SGCZ: variants seen among roughly 807,000 people sequenced by gnomAD.
The protein encoded by SGCZ is zeta-sarcoglycan.
SGCZ carries 40 observed loss-of-function variants against 41.3 expected under a neutral mutation model. The observed-to-expected ratio is 0.97, with a 90% CI of 0.75 to 1.26. The LOEUF is 1.26. Ranked by LOEUF, SGCZ falls within the 50% of genes most tolerant of loss-of-function variation. The pLI, the probability that SGCZ is intolerant of heterozygous loss-of-function variation, is 0.00. For synonymous variants in SGCZ, 206 were observed against 137.5 expected, an observed-to-expected ratio of 1.50 and a Z score of -3.49; for missense variants, 552 against 369.8, an observed-to-expected ratio of 1.49 and a Z score of -4.04.
intron 1 of SGCZ, among the ~76,000 whole-genome samples, chr8:14,867,193 T>C (rs775802563): frequency 6.6e-6 from 1 of 152,180 alleles, no homozygotes; most frequent in Non-Finnish European, 1.5e-5. Flanking sequence ...AAAGCTTGTT[T>C]ATGAATTATA....
chr8:14,644,006 C>A (rs1450970761), intron 1 of SGCZ, among the ~76,000 whole-genome samples: 5 of 143,434 alleles, frequency 3.5e-5, no homozygotes, highest in Admixed American at 6.8e-5. Context: ...ATATTTTGTA[C>A]CTGGTAGTAT....
At chr8:14,090,878 C>G (rs530442250) in intron 7 of SGCZ, among the ~76,000 whole-genome samples, 1 of 151,996 alleles carries the variant, frequency 6.6e-6, no homozygotes, top group African/African-American at 2.4e-5. Context: ...TGAAAAGCAA[C>G]ATCATACAAT....
intron 1 of SGCZ, among the ~76,000 whole-genome samples, chr8:14,801,072 T>C (rs922364702): frequency 3.9e-5 from 6 of 152,236 alleles, no homozygotes; most frequent in African/African-American, 1.4e-4. Flanking sequence ...ACTGATAAGT[T>C]AGAAAGTCTT....
chr8:14,931,335 T>G (rs1189584752), intron 1 of SGCZ, among the ~76,000 whole-genome samples: 1 of 152,100 alleles, frequency 6.6e-6, no homozygotes, highest in East Asian at 1.9e-4. Flanking sequence ...TCAAATAGTT[T>G]GATCTATTCT....
intron 1 of SGCZ, among the ~76,000 whole-genome samples, chr8:14,890,045 C>T (rs960452232): frequency 6.6e-6 from 1 of 151,888 alleles, no homozygotes; most frequent in African/African-American, 2.4e-5. Context: ...GGTGAAACTC[C>T]GTCTCTACTA....
intron 1 of SGCZ, among the ~76,000 whole-genome samples, chr8:15,083,250 C>T (rs1173823656): frequency 6.6e-6 from 1 of 152,120 alleles, no homozygotes; most frequent in Non-Finnish European, 1.5e-5. Flanking sequence ...TATTAATTTC[C>T]CATGTTTTTA....
chr8:15,174,479 C>G (rs1278232917), intron 1 of SGCZ, among the ~76,000 whole-genome samples: 3 of 152,102 alleles, frequency 2.0e-5, no homozygotes, highest in African/African-American at 7.2e-5. Flanking sequence ...AACTAAGCAG[C>G]TGTGGTAAGC....
At chr8:14,515,237 C>A (rs917985671) in intron 2 of SGCZ, among the ~76,000 whole-genome samples, 1 of 152,062 alleles carries the variant, frequency 6.6e-6, no homozygotes, top group East Asian at 1.9e-4. Flanking sequence ...TCCAGGGCAA[C>A]TGGATGGTTT....
intron 1 of SGCZ, among the ~76,000 whole-genome samples, chr8:14,820,336 C>A: frequency 6.6e-6 from 1 of 151,914 alleles, no homozygotes; most frequent in East Asian, 1.9e-4. Flanking sequence ...TATATACACC[C>A]AACACTGGAG....
intron 1 of SGCZ, among the ~76,000 whole-genome samples, chr8:14,911,298 C>T (rs1300604241): frequency 6.6e-6 from 1 of 151,984 alleles, no homozygotes; most frequent in Non-Finnish European, 1.5e-5. Flanking sequence ...CCAACAAAAT[C>T]AGCGGATTCT....
chr8:14,444,137 G>A (rs1469428486), intron 2 of SGCZ, among the ~76,000 whole-genome samples: 2 of 152,084 alleles, frequency 1.3e-5, no homozygotes, highest in Non-Finnish European at 2.9e-5. Flanking sequence ...AGTTAGAATG[G>A]CGATCATTAA....
chr8:14,243,368 T>C (rs1798960139), intron 3 of SGCZ, among the ~76,000 whole-genome samples: 1 of 152,186 alleles, frequency 6.6e-6, no homozygotes, highest in African/African-American at 2.4e-5. Context: ...ATGCATCTTT[T>C]CCTGTTTTTC....
At chr8:14,216,645 T>C (rs1228714413) in intron 4 of SGCZ, among the ~76,000 whole-genome samples, 6 of 151,918 alleles carry the variant, frequency 3.9e-5, no homozygotes, top group African/African-American at 9.7e-5. Flanking sequence ...AATTATACAA[T>C]CACATTAACG....
At chr8:14,774,252 T>C (rs1368022110) in intron 1 of SGCZ, among the ~76,000 whole-genome samples, 1 of 152,180 alleles carries the variant, frequency 6.6e-6, no homozygotes, top group Non-Finnish European at 1.5e-5. Context: ...TATTGTCTCT[T>C]CTCTAAGACT....
chr8:14,596,746 G>A (rs1034793785), intron 1 of SGCZ, among the ~76,000 whole-genome samples: 99 of 152,182 alleles, frequency 6.5e-4, no homozygotes, highest in African/African-American at 2.2e-3. Flanking sequence ...TAGATGATGC[G>A]TTGACAGGTG....
chr8:14,285,623 G>C (rs1244291450), intron 3 of SGCZ, among the ~76,000 whole-genome samples: 1 of 152,022 alleles, frequency 6.6e-6, no homozygotes, highest in Middle Eastern at 3.2e-3. Context: ...AGAGAAAACA[G>C]ACCTAGATAA....
chr8:14,871,823 T>A (rs1804162222), intron 1 of SGCZ, among the ~76,000 whole-genome samples: 1 of 149,472 alleles, frequency 6.7e-6, no homozygotes, highest in Non-Finnish European at 1.5e-5. Flanking sequence ...AATATGTGTG[T>A]GTATATATAT....
chr8:15,089,493 T>A (rs572983723), intron 1 of SGCZ, among the ~76,000 whole-genome samples: 1 of 151,872 alleles, frequency 6.6e-6, no homozygotes, highest in South Asian at 2.1e-4. Context: ...AAAAATGAAG[T>A]TTTACCATAC....
chr8:14,388,639 G>A lies in SGCZ; in HGVS notation c.235-64435C>T, dbSNP rs951369525. On this transcript the variant is annotated intron_variant, in intron 2 of 7. Transcript: ENST00000382080. Reference sequence around the variant, plus strand: ...AGGCCAGGAAAATAAAAGCCCTATAGTTCAGATAGAATAAACTCCAATTTT... The same window carrying A: ...AGGCCAGGAAAATAAAAGCCCTATAATTCAGATAGAATAAACTCCAATTTT... 4.6e-5 allele frequency among the ~76,000 whole-genome samples: 7 copies of A among 152,094 alleles called. 1 individual carries two copies. Among genetic ancestry groups the A allele is most frequent in the Admixed American group, 4.6e-4 (7 of 15,232 alleles).
Sources: gnomAD v4.1 joint callset for allele counts (sites outside exome capture counted in the v4.1 genomes callset) on GRCh38, gnomAD v4.1.1 for gene constraint, MANE v1.5 for transcripts, NCBI Gene and HGNC (gene_info 2026-07-23, HGNC 2026-07-21) for gene names.